CYP19A1: variants seen among roughly 807,000 people sequenced by gnomAD.
CYP19A1 encodes the protein aromatase.
A neutral mutation model predicts 44.4 loss-of-function variants in CYP19A1; 32 were observed. The observed-to-expected ratio is 0.72, with a 90% confidence interval of 0.54 to 0.97. The LOEUF (loss-of-function observed/expected upper bound fraction) is 0.97, where lower values mean the gene tolerates loss of function less well. Ranked by LOEUF, CYP19A1 falls within the 50% of genes least tolerant of loss-of-function variation. The probability of loss-of-function intolerance (pLI) is 0.00; values close to 1 mark genes in which losing one functional copy is unlikely to be tolerated. For synonymous variants in CYP19A1, 212 were observed against 215.6 expected (o/e 0.98, Z 0.14); for missense variants, 598 against 637.8 (o/e 0.94, Z 0.67).
chr15:51,210,928 T>G lies in CYP19A1; in HGVS notation c.1392A>C (p.Gln464His), dbSNP rs942128320. The stretch of plus-strand genomic sequence containing the variant: ...TCTGTATGCTCTCAACACACTGTCC[T>G]TGCAATGTCTTCACGTGGAATCGTC... ...LLRRFHVKTL[Q>H]GQCVESIQKI... Residue 464 changes from glutamine (Q) to histidine (H), a missense_variant, in exon 10 of 10, where the codon CAA becomes CAC. Coordinates refer to ENST00000396402, the MANE Select transcript of CYP19A1 (RefSeq NM_000103.4). 7 of 1,607,994 alleles carry G rather than the reference T, an allele frequency of 4.4e-6. No homozygotes were observed. The highest frequency in any genetic ancestry group is 1.3e-5 in the African/African-American group (1 of 74,782).
intron 3 of CYP19A1, among the ~76,000 whole-genome samples, chr15:51,230,849 T>C (rs1363780310): frequency 6.6e-6 from 1 of 152,158 alleles, no homozygotes; most frequent in Non-Finnish European, 1.5e-5. Flanking sequence ...CTCAAACTCT[T>C]GACTTCAAGT....
intron 1 of CYP19A1, among the ~76,000 whole-genome samples, chr15:51,295,663 C>A (rs999480): frequency 6.6e-6 from 1 of 152,008 alleles, no homozygotes; most frequent in African/African-American, 2.4e-5. Flanking sequence ...ATGGAAAAAC[C>A]AAGTCTAAAC....
At chr15:51,283,562 G>A (rs1024308356) in intron 1 of CYP19A1, among the ~76,000 whole-genome samples, 1 of 152,212 alleles carries the variant, frequency 6.6e-6, no homozygotes, top group East Asian at 1.9e-4. Flanking sequence ...GCTATGGCTG[G>A]ATTAAGAGTA....
At chr15:51,305,605 G>C (rs1484185280) in intron 1 of CYP19A1, among the ~76,000 whole-genome samples, 1 of 152,150 alleles carries the variant, frequency 6.6e-6, no homozygotes, top group Non-Finnish European at 1.5e-5. Flanking sequence ...CTGTCGCCCA[G>C]GATGGAGTGC....
chr15:51,261,862 G>A (rs942120833), intron 1 of CYP19A1, among the ~76,000 whole-genome samples: 1 of 152,132 alleles, frequency 6.6e-6, no homozygotes, highest in Non-Finnish European at 1.5e-5. Flanking sequence ...GAGTCTTCAG[G>A]TTCTGGGCCA....
intron 1 of CYP19A1, among the ~76,000 whole-genome samples, chr15:51,282,054 C>T (rs1417266867): frequency 6.6e-6 from 1 of 152,180 alleles, no homozygotes; most frequent in East Asian, 1.9e-4. Flanking sequence ...TCTCTGAATT[C>T]TGAAAAATCC....
chr15:51,288,138 G>C (rs544605001), intron 1 of CYP19A1, among the ~76,000 whole-genome samples: 1 of 152,132 alleles, frequency 6.6e-6, no homozygotes, highest in Non-Finnish European at 1.5e-5. Context: ...GGTGTTGGTA[G>C]CGCTCAGCAG....
chr15:51,273,714 A>T (rs1184624381), intron 1 of CYP19A1, among the ~76,000 whole-genome samples: 2 of 152,080 alleles, frequency 1.3e-5, no homozygotes, highest in Admixed American at 6.6e-5. Context: ...TATGCTTTTT[A>T]AAAAATGACA....
intron 1 of CYP19A1, among the ~76,000 whole-genome samples, chr15:51,248,240 T>C (rs2034151663): frequency 6.6e-6 from 1 of 152,222 alleles, no homozygotes; most frequent in African/African-American, 2.4e-5. Context: ...CCAGGCATGA[T>C]GCCAAACAAA....
chr15:51,268,616 A>G (rs761450453), intron 1 of CYP19A1, among the ~76,000 whole-genome samples: 6 of 150,046 alleles, frequency 4.0e-5, no homozygotes, highest in Non-Finnish European at 8.9e-5. Context: ...TCTCTTGAGT[A>G]AAAATCTAAC....
chr15:51,295,332 C>G (rs181602236), intron 1 of CYP19A1, among the ~76,000 whole-genome samples: 6 of 152,258 alleles, frequency 3.9e-5, no homozygotes, highest in African/African-American at 1.4e-4. Context: ...CAGCCGCACT[C>G]CAGCCCCTCT....
intron 1 of CYP19A1, among the ~76,000 whole-genome samples, chr15:51,295,653 A>T (rs143075451): frequency 4.6e-5 from 7 of 152,306 alleles, no homozygotes; most frequent in African/African-American, 1.4e-4. Context: ...ATGGAATATA[A>T]TGGAAAAACC....
At chr15:51,315,885 C>T (rs1479473119) in intron 1 of CYP19A1, 2 of 152,228 alleles carry the variant, frequency 1.3e-5, no homozygotes, top group African/African-American at 2.4e-5. Flanking sequence ...GCTGACAACA[C>T]GGTGACCTGG....
At chr15:51,226,712 C>A (rs933252881) in intron 4 of CYP19A1, among the ~76,000 whole-genome samples, 1 of 152,118 alleles carries the variant, frequency 6.6e-6, no homozygotes, top group Non-Finnish European at 1.5e-5. Context: ...GATTATCTTT[C>A]TTTATGCTTG....
chr15:51,259,162 G>A (rs1353072884), intron 1 of CYP19A1, among the ~76,000 whole-genome samples: 1 of 152,228 alleles, frequency 6.6e-6, no homozygotes, highest in Non-Finnish European at 1.5e-5. Context: ...TGAGAGAATT[G>A]TGAAGTACTG....
At chr15:51,227,971 G>C in intron 3 of CYP19A1, 38 bp from the exon 4 acceptor site, 1 of 1,223,064 alleles carries the variant, frequency 8.2e-7, no homozygotes, top group Non-Finnish European at 1.2e-6. Context: ...ATTTTTAAGG[G>C]TCAGGAGAAC....
intron 2 of CYP19A1, among the ~76,000 whole-genome samples, chr15:51,240,589 C>T (rs1244492792): frequency 6.6e-6 from 1 of 152,264 alleles, no homozygotes; most frequent in Non-Finnish European, 1.5e-5. Flanking sequence ...GCAAAAGCCA[C>T]CCCAAACAAG....
intron 1 of CYP19A1, among the ~76,000 whole-genome samples, chr15:51,308,214 C>T (rs539502036): frequency 6.2e-4 from 94 of 152,266 alleles, no homozygotes; most frequent in South Asian, 1.2e-3. Flanking sequence ...CATGTCAACG[C>T]CCCCAGCTCT....
rs80029597 is a variant in CYP19A1, at chr15:51,215,404, C to T, written c.859-172G>A. 3.3e-4 allele frequency among the ~76,000 whole-genome samples: 51 copies of T among 152,308 alleles called. No homozygotes were observed. The East Asian group carries it at 8.3e-3, about 25-fold the overall frequency. On this transcript the variant is annotated intron_variant, in intron 7 of 9. Transcript: ENST00000396402. ...TGACAATCTTTAGCTGAAAGATGAA[C>T]GATTAGGCCGACTGTCTATGTATAT...
Sources: allele counts gnomAD v4.1 joint callset (sites outside exome capture counted in the v4.1 genomes callset), GRCh38; gene constraint gnomAD v4.1.1; transcripts MANE v1.5; gene names NCBI Gene and HGNC (gene_info 2026-07-23, HGNC 2026-07-21).